The following SGCZ variants were observed in gnomAD, a reference collection of about 807,000 sequenced individuals.
SGCZ encodes zeta-sarcoglycan.
A neutral mutation model predicts 41.3 loss-of-function variants in SGCZ; 40 were observed. That is an observed-to-expected ratio of 0.97 (90% CI 0.75 to 1.26). The LOEUF (loss-of-function observed/expected upper bound fraction) is 1.26, where lower values mean the gene tolerates loss of function less well. Ranked by LOEUF, SGCZ falls within the 50% of genes most tolerant of loss-of-function variation. The pLI is 0.00. For missense variants in SGCZ, 552 were observed against 369.8 expected (o/e 1.49, Z -4.04); for synonymous variants, 206 against 137.5 (o/e 1.50, Z -3.49).
chr8:14,981,400 A>T (rs751553370), intron 1 of SGCZ, among the ~76,000 whole-genome samples: 2 of 152,248 alleles, frequency 1.3e-5, no homozygotes, highest in Non-Finnish European at 2.9e-5. Flanking sequence ...AGTCACTGAG[A>T]GAAGAATCAA....
intron 7 of SGCZ, among the ~76,000 whole-genome samples, chr8:14,092,757 G>A (rs1801727667): frequency 1.3e-5 from 2 of 151,998 alleles, no homozygotes; most frequent in Non-Finnish European, 1.5e-5. Flanking sequence ...CCCCAGCCTC[G>A]TGGAAGTGTG....
In SGCZ at chr8:14,820,243, G is replaced by T. The variant is rs193011183; in HGVS notation, c.40-265317C>A. Among the ~76,000 whole-genome samples the T allele has an allele frequency of 3.3e-3, 507 of 152,046 alleles. 2 individuals are homozygous for T. The highest frequency in any genetic ancestry group is 0.017 in the Middle Eastern group (5 of 292). On this transcript the variant is annotated intron_variant, in intron 1 of 7. Coordinates refer to ENST00000382080, the MANE Select transcript of SGCZ (RefSeq NM_139167.4). ...ACATGAATAGCCATACTTATAAACA[G>T]ACTTTAAGTCAGAGACTGAAGAGAC...
chr8:14,133,821 C>G (rs1456409414), intron 5 of SGCZ, among the ~76,000 whole-genome samples: 2 of 151,892 alleles, frequency 1.3e-5, no homozygotes, highest in African/African-American at 4.8e-5. Flanking sequence ...TCATATTAAC[C>G]TCAACATGTA....
intron 1 of SGCZ, among the ~76,000 whole-genome samples, chr8:14,743,817 C>T (rs1019897018): frequency 1.3e-5 from 2 of 152,004 alleles, no homozygotes; most frequent in African/African-American, 4.8e-5. Context: ...AATTATCATG[C>T]TCATGTACTA....
rs181728915 is a variant in SGCZ at position 14,086,551 on chromosome 8, T to C, written c.*3892A>G. Among the ~76,000 whole-genome samples, 34 of 151,876 alleles carry C rather than the reference T, an allele frequency of 2.2e-4. No homozygotes were observed. In the East Asian group the frequency reaches 3.5e-3, roughly 16 times the overall value. On this transcript the variant is annotated 3_prime_UTR_variant, in exon 8 of 8. Transcript: ENST00000382080. Reference sequence around the variant, plus strand: ...TCAAAAGATCACTGCTTTTTAGCTTTATGGAGGTAATAATCACAGAATGTT... The same window carrying C: ...TCAAAAGATCACTGCTTTTTAGCTTCATGGAGGTAATAATCACAGAATGTT...
At chr8:15,172,939 A>C (rs1442316207) in intron 1 of SGCZ, among the ~76,000 whole-genome samples, 1 of 152,260 alleles carries the variant, frequency 6.6e-6, no homozygotes, top group African/African-American at 2.4e-5. Flanking sequence ...AATACTAGTT[A>C]AATCCAAAGA....
At chr8:14,358,998 C>A (rs115012505) in intron 2 of SGCZ, among the ~76,000 whole-genome samples, 13 of 151,934 alleles carry the variant, frequency 8.6e-5, no homozygotes, top group Admixed American at 6.6e-5. Flanking sequence ...TGAAAATTAA[C>A]GTAATTCTAA....
chr8:14,830,559 G>C (rs1802490694), intron 1 of SGCZ, among the ~76,000 whole-genome samples: 1 of 152,078 alleles, frequency 6.6e-6, no homozygotes, highest in Admixed American at 6.5e-5. Context: ...AATAATCACA[G>C]ATAACTGTGA....
At chr8:15,109,299 A>T (rs1405491151) in intron 1 of SGCZ, among the ~76,000 whole-genome samples, 1 of 152,138 alleles carries the variant, frequency 6.6e-6, no homozygotes, top group Non-Finnish European at 1.5e-5. Flanking sequence ...ATGACATATA[A>T]TTCATAAGCA....
At chr8:14,763,478 C>T (rs1389875597) in intron 1 of SGCZ, among the ~76,000 whole-genome samples, 1 of 152,142 alleles carries the variant, frequency 6.6e-6, no homozygotes, top group Non-Finnish European at 1.5e-5. Context: ...TCTCTTTATC[C>T]AGGTAGCCAA....
chr8:14,682,516 T>G (rs998060244), intron 1 of SGCZ, among the ~76,000 whole-genome samples: 7 of 150,266 alleles, frequency 4.7e-5, no homozygotes, highest in East Asian at 2.0e-4. Flanking sequence ...CTCACTGCAA[T>G]CTCCGCCTCC....
At chr8:14,829,349 A>G (rs1802447010) in intron 1 of SGCZ, among the ~76,000 whole-genome samples, 1 of 151,172 alleles carries the variant, frequency 6.6e-6, no homozygotes, top group African/African-American at 2.5e-5. Context: ...TCAGGGATAG[A>G]CTAAATGGCT....
intron 1 of SGCZ, among the ~76,000 whole-genome samples, chr8:14,736,644 A>C (rs943328870): frequency 2.0e-5 from 3 of 151,894 alleles, no homozygotes; most frequent in African/African-American, 7.2e-5. Flanking sequence ...TTTCCCGCTC[A>C]AGTCCCCAGA....
chr8:14,187,213 A>G (rs1312534853), intron 4 of SGCZ, among the ~76,000 whole-genome samples: 1 of 152,222 alleles, frequency 6.6e-6, no homozygotes, highest in Non-Finnish European at 1.5e-5. Context: ...ACAAGTTCTA[A>G]GAGTTGGGGA....
chr8:15,139,694 A>C (rs1808249697), intron 1 of SGCZ, among the ~76,000 whole-genome samples: 1 of 152,136 alleles, frequency 6.6e-6, no homozygotes, highest in Non-Finnish European at 1.5e-5. Context: ...TATAGTCCTC[A>C]TGTTGTACAT....
At chr8:14,156,752 G>A (rs540121242) in intron 5 of SGCZ, among the ~76,000 whole-genome samples, 60 of 151,916 alleles carry the variant, frequency 3.9e-4, no homozygotes, top group African/African-American at 1.3e-3. Flanking sequence ...GAAAATACCC[G>A]TAGCCCAGGT....
intron 1 of SGCZ, among the ~76,000 whole-genome samples, chr8:15,093,581 T>A (rs1806228130): frequency 6.6e-6 from 1 of 152,210 alleles, no homozygotes; most frequent in Non-Finnish European, 1.5e-5. Flanking sequence ...TAGTGTAAAC[T>A]GTGGTATCGA....
chr8:14,531,292 G>A (rs1027067810), intron 2 of SGCZ, among the ~76,000 whole-genome samples: 4 of 151,556 alleles, frequency 2.6e-5, no homozygotes, highest in South Asian at 2.1e-4. Flanking sequence ...GTCCCCTCTC[G>A]GTGCTGAGAG....
intron 1 of SGCZ, among the ~76,000 whole-genome samples, chr8:14,800,546 A>G (rs1801288838): frequency 6.6e-6 from 1 of 152,166 alleles, no homozygotes; most frequent in Non-Finnish European, 1.5e-5. Flanking sequence ...GTGGAAGGTG[A>G]TTAAGTCATG....
Sources: allele counts gnomAD v4.1 joint callset (sites outside exome capture counted in the v4.1 genomes callset), GRCh38; gene constraint gnomAD v4.1.1; transcripts MANE v1.5; gene names NCBI Gene and HGNC (gene_info 2026-07-23, HGNC 2026-07-21).